The following ROBO2 variants were observed in gnomAD, a reference collection of about 807,000 sequenced individuals.
ROBO2 encodes roundabout guidance receptor 2.
ROBO2 carries 53 observed loss-of-function variants against 160.8 expected under a neutral mutation model. The ratio of observed to expected loss-of-function variants is 0.33; its 90% CI spans 0.26 to 0.41. The LOEUF (loss-of-function observed/expected upper bound fraction) is 0.41, where lower values mean the gene tolerates loss of function less well. ROBO2 is among the 10% of genes least tolerant of loss of function. ROBO2 has a pLI of 1.00. For synonymous variants in ROBO2, 664 were observed against 611.7 expected (o/e 1.09, Z -1.26); for missense variants, 1,577 against 1,722.4 (o/e 0.92, Z 1.49).
chr3:76,790,167 T>G (rs967983147), intron 2 of ROBO2, among the ~76,000 whole-genome samples: 1 of 151,656 alleles, frequency 6.6e-6, no homozygotes, highest in African/African-American at 2.4e-5. Context: ...GAAGATTAAT[T>G]TATTCAATCA....
chr3:76,770,774 G>A (rs922442685), intron 2 of ROBO2, among the ~76,000 whole-genome samples: 4 of 151,294 alleles, frequency 2.6e-5, no homozygotes, highest in African/African-American at 9.7e-5. Context: ...GATGAAAAAT[G>A]GAAGTTTTAT....
intron 2 of ROBO2, among the ~76,000 whole-genome samples, chr3:77,165,388 A>C (rs912906011): frequency 1.0e-4 from 15 of 148,378 alleles, no homozygotes; most frequent in African/African-American, 3.5e-4. Flanking sequence ...GTCATCACCA[A>C]TCCCTAATCT....
chr3:76,062,914 G>A (rs1490689302), intron 2 of ROBO2, among the ~76,000 whole-genome samples: 2 of 152,094 alleles, frequency 1.3e-5, no homozygotes, highest in Admixed American at 1.3e-4. Context: ...AGTTAATATA[G>A]GAGAAAATTA....
intron 2 of ROBO2, among the ~76,000 whole-genome samples, chr3:77,386,502 C>T (rs150533388): frequency 2.6e-4 from 39 of 150,642 alleles, no homozygotes; most frequent in African/African-American, 8.8e-4. Context: ...AGTGTTACAT[C>T]AGGTACATTT....
At chr3:75,972,046 A>G (rs980434300) in intron 2 of ROBO2, among the ~76,000 whole-genome samples, 1 of 151,690 alleles carries the variant, frequency 6.6e-6, no homozygotes, top group African/African-American at 2.4e-5. Flanking sequence ...CCAATTTTAG[A>G]TAATTCACCA....
At chr3:77,167,928 C>G (rs1015204427) in intron 2 of ROBO2, among the ~76,000 whole-genome samples, 1 of 152,100 alleles carries the variant, frequency 6.6e-6, no homozygotes, top group African/African-American at 2.4e-5. Context: ...TAAAACTTAG[C>G]AGGCAAAAAT....
chr3:77,092,561 T>C (rs2070439816), intron 1 of ROBO2, among the ~76,000 whole-genome samples: 1 of 147,356 alleles, frequency 6.8e-6, no homozygotes, highest in Non-Finnish European at 1.5e-5. Flanking sequence ...ATATAGTTTA[T>C]ATATTATTAA....
intron 2 of ROBO2, among the ~76,000 whole-genome samples, chr3:77,298,906 C>A (rs947882339): frequency 3.9e-5 from 6 of 152,032 alleles, no homozygotes; most frequent in Admixed American, 1.3e-4. Flanking sequence ...CACTGACTGA[C>A]AAAAGTGTCG....
chr3:76,811,272 G>T (rs1372735218), intron 2 of ROBO2, among the ~76,000 whole-genome samples: 1 of 152,122 alleles, frequency 6.6e-6, no homozygotes, highest in Non-Finnish European at 1.5e-5. Context: ...TGGAGAAAAT[G>T]ATGGTATTGT....
intron 2 of ROBO2, among the ~76,000 whole-genome samples, chr3:76,231,085 G>A (rs1704595219): frequency 2.0e-5 from 3 of 152,140 alleles, no homozygotes; most frequent in African/African-American, 7.2e-5. Flanking sequence ...ACTGCTTTCA[G>A]AACAATGAGA....
At chr3:76,599,712 T>C (rs1322463395) in intron 2 of ROBO2, among the ~76,000 whole-genome samples, 1 of 152,166 alleles carries the variant, frequency 6.6e-6, no homozygotes, top group Non-Finnish European at 1.5e-5. Flanking sequence ...CCAGCACCTG[T>C]TAGTTTTTTA....
intron 2 of ROBO2, among the ~76,000 whole-genome samples, chr3:77,202,463 T>A (rs1364864434): frequency 6.6e-6 from 1 of 152,166 alleles, no homozygotes; most frequent in Non-Finnish European, 1.5e-5. Flanking sequence ...ACATCTGTCA[T>A]CCTTTTCATT....
intron 2 of ROBO2, among the ~76,000 whole-genome samples, chr3:76,265,561 G>A (rs1297049704): frequency 2.6e-5 from 4 of 152,106 alleles, no homozygotes; most frequent in Non-Finnish European, 5.9e-5. Context: ...ACCTTCAGAG[G>A]TGAAAACTGA....
In ROBO2 at chr3:76,349,668, C is replaced by T. The variant is rs140545108; in HGVS notation, c.109+412066C>T. ...CGTTACTTGCAAGCTAACAAGTTAG[C>T]CTGCCACAGTGTAACGGATGCTGGC... is the stretch of plus-strand genomic sequence containing the variant. On this transcript the variant is annotated intron_variant, in intron 2 of 26. Transcript: ENST00000487694. Among the ~76,000 whole-genome samples the T allele has an allele frequency of 9.0e-3, 1,373 of 152,174 alleles. 11 individuals carry two copies. Among genetic ancestry groups the T allele is most frequent in the Non-Finnish European group, 0.016 (1,074 of 67,976 alleles).
At chr3:77,033,574 A>T (rs540929751) in intron 2 of ROBO2, among the ~76,000 whole-genome samples, 11 of 152,268 alleles carry the variant, frequency 7.2e-5, no homozygotes, top group African/African-American at 2.4e-4. Flanking sequence ...GAGGCAAGCT[A>T]AAACAACAAC....
intron 2 of ROBO2, among the ~76,000 whole-genome samples, chr3:76,506,090 C>T (rs1281985235): frequency 6.6e-6 from 1 of 152,206 alleles, no homozygotes; most frequent in Non-Finnish European, 1.5e-5. Context: ...CCCCCTGAAA[C>T]AGCTCTGCCA....
chr3:75,956,011 T>C (rs1948712312), intron 2 of ROBO2, among the ~76,000 whole-genome samples: 1 of 151,832 alleles, frequency 6.6e-6, no homozygotes, highest in Non-Finnish European at 1.5e-5. Flanking sequence ...ATTGCCTGTA[T>C]TTGTCAATAG....
intron 2 of ROBO2, among the ~76,000 whole-genome samples, chr3:76,289,228 G>T (rs890841205): frequency 2.0e-5 from 3 of 152,138 alleles, no homozygotes; most frequent in African/African-American, 7.2e-5. Flanking sequence ...GTTTTGATTT[G>T]CATTTCCCTG....
intron 4 of ROBO2, among the ~76,000 whole-genome samples, chr3:77,484,272 C>T (rs1271495978): frequency 2.0e-5 from 3 of 151,874 alleles, no homozygotes; most frequent in African/African-American, 7.2e-5. Context: ...CTCTGAAGAT[C>T]CTGGATGGCA....
Sources: gnomAD v4.1 joint callset for allele counts (sites outside exome capture counted in the v4.1 genomes callset) on GRCh38, gnomAD v4.1.1 for gene constraint, MANE v1.5 for transcripts, NCBI Gene and HGNC (gene_info 2026-07-23, HGNC 2026-07-21) for gene names.